The following SOWAHC variants were observed in gnomAD, a reference collection of about 807,000 sequenced individuals.
The protein encoded by SOWAHC is ankyrin repeat domain-containing protein SOWAHC.
A neutral mutation model predicts 14.4 loss-of-function variants in SOWAHC; 12 were observed. That is an observed-to-expected ratio of 0.83 (90% CI 0.53 to 1.35). SOWAHC has a LOEUF of 1.35. Among genes scored for constraint, SOWAHC ranks in the 40% most tolerant of loss-of-function variants. SOWAHC has a pLI of 0.00. For synonymous variants in SOWAHC, 398 were observed against 347.0 expected, an observed-to-expected ratio of 1.15 and a Z score of -1.63; for missense variants, 771 against 752.8, an observed-to-expected ratio of 1.02 and a Z score of -0.28.
Position 109,614,541 on chromosome 2 carries a change from G to A in SOWAHC, c.52G>A (p.Val18Met). Reference protein sequence around the residue: ...GPEAALGPEAVLRFLAERGGR... With the variant: ...GPEAALGPEAMLRFLAERGGR... ...CGAGGCGGCGCTGGGCCCCGAGGCG[G>A]TGCTGCGCTTCCTGGCGGAGCGCGG... Residue 18 changes from valine (V) to methionine (M), a missense_variant, in exon 1 of 1, where the codon GTG (valine) becomes ATG (methionine). Val to Met is a conservative substitution (Grantham distance 21). Coordinates refer to ENST00000356454, the MANE Select transcript of SOWAHC (RefSeq NM_023016.4). The A allele has an allele frequency of 7.6e-7, 1 of 1,313,676 alleles. No individual in the cohort carries two copies. Among genetic ancestry groups the A allele is most frequent in the Non-Finnish European group, 9.6e-7 (1 of 1,038,578 alleles). 81.4% of individuals were successfully genotyped at this position (1,313,676 alleles called of 1,614,324 possible). A position where few individuals can be genotyped will look rare whatever the true frequency, so the allele number is the denominator to read the frequency against.
chr2:109,615,586 C>G lies in SOWAHC; in HGVS notation c.1097C>G (p.Ala366Gly), dbSNP rs1299902817. ...VVKLLVGAYD[A>G]DVDIRDYSGK... ...AAGCTGCTGGTGGGGGCCTACGACG[C>G]CGATGTGGACATCAGGGACTACAGT... The change falls in exon 1 of 1, where the codon GCC becomes GGC. Residue 366 changes from alanine to glycine, a missense_variant. Coordinates refer to ENST00000356454, the MANE Select transcript of SOWAHC (RefSeq NM_023016.4). 1.6e-5 allele frequency: 26 copies of G among 1,613,538 alleles called. No individual in the cohort carries two copies. In the Admixed American group the frequency reaches 4.3e-4, roughly 27 times the overall value.
chr2:109,618,755 G>T lies in SOWAHC; in HGVS notation c.*2688G>T, dbSNP rs1480777666. The T allele has an allele frequency of 6.0e-6, 1 of 167,006 alleles. No individual in the cohort carries two copies. The highest frequency in any genetic ancestry group is 1.9e-4 in the East Asian group (1 of 5,200). The allele number at this position is 167,006 out of a possible 1,614,324, so 10.3% of individuals were successfully genotyped here. ...CTATGTGGTTAAAAAACCCAAGTAT[G>T]TCCATGTGTTTCTTATAAGGTACAC... On this transcript the variant is annotated 3_prime_UTR_variant, in exon 1 of 1. Transcript: ENST00000356454.
Position 109,615,481 on chromosome 2 carries a change from C to T in SOWAHC, c.992C>T (p.Pro331Leu), listed in dbSNP as rs1328324823. Residue 331 changes from proline (P) to leucine (L), a missense_variant, in exon 1 of 1, where the codon CCG (proline) becomes CTG (leucine). Coordinates refer to ENST00000356454, the MANE Select transcript of SOWAHC (RefSeq NM_023016.4). ...AACTTCGCCAACAAACACCAGCTGCCGGTGAACATCGACGCCAGGACGAGC... is the reference window on the plus strand; with the variant it reads ...AACTTCGCCAACAAACACCAGCTGCTGGTGAACATCGACGCCAGGACGAGC... ...LVNFANKHQL[P>L]VNIDARTSGG... 1.2e-6 allele frequency: 2 copies of T among 1,613,410 alleles called. No homozygotes were observed. The highest frequency in any genetic ancestry group is 1.6e-4 in the Middle Eastern group (1 of 6,084).
In SOWAHC at chr2:109,616,612, A is replaced by G. The variant is rs1700155770; in HGVS notation, c.*545A>G. 6.0e-6 allele frequency: 1 copy of G among 167,144 alleles called. No individual in the cohort carries two copies. The highest frequency in any genetic ancestry group is 6.5e-5 in the Admixed American group (1 of 15,292). 10.4% of individuals were successfully genotyped at this position (167,144 alleles called of 1,614,324 possible). On this transcript the variant is annotated 3_prime_UTR_variant, in exon 1 of 1. Transcript: ENST00000356454. ...GTTGAAATGCAAAAATACTAATTAGAGAATAATGTGAATAAAATGGGAATC... is the reference window on the plus strand; with the variant it reads ...GTTGAAATGCAAAAATACTAATTAGGGAATAATGTGAATAAAATGGGAATC...
rs1013249997 is a variant in SOWAHC, at chr2:109,618,941, T to G, written c.*2874T>G. The G allele has an allele frequency of 1.8e-5, 3 of 167,096 alleles. No individual in the cohort carries two copies. Among genetic ancestry groups the G allele is most frequent in the Admixed American group, 1.3e-4 (2 of 15,288 alleles). The allele number at this position is 167,096 out of a possible 1,614,324, so 10.4% of individuals were successfully genotyped here. A position where few individuals can be genotyped will look rare whatever the true frequency, so the allele number is the denominator to read the frequency against. On this transcript the variant is annotated 3_prime_UTR_variant, in exon 1 of 1. Coordinates refer to ENST00000356454, the MANE Select transcript of SOWAHC (RefSeq NM_023016.4). Reference sequence around the variant, plus strand: ...TTTAAATAAGTGAAATTTGGGAGATTGTAAAATCTGTAAAGTTTGTTTTGT... The same window carrying G: ...TTTAAATAAGTGAAATTTGGGAGATGGTAAAATCTGTAAAGTTTGTTTTGT...
Position 109,615,169 on chromosome 2 carries a change from C to T in SOWAHC, c.680C>T (p.Pro227Leu), listed in dbSNP as rs1481500982. 4 of 1,548,886 alleles carry T rather than the reference C, an allele frequency of 2.6e-6. No homozygotes were observed. Among genetic ancestry groups the T allele is most frequent in the Non-Finnish European group, 3.5e-6 (4 of 1,146,720 alleles). Residue 227 changes from proline (P) to leucine (L), a missense_variant, in exon 1 of 1, where the codon CCG becomes CTG. Pro to Leu is a moderately conservative substitution (Grantham distance 98, BLOSUM62 -3). Coordinates refer to ENST00000356454, the MANE Select transcript of SOWAHC (RefSeq NM_023016.4). ...AGCGTGTGTCCCGGGGGCAGCAGCC[C>T]GGGCAGCTCCTCCGGGGGAGGACGC... ...KRSVCPGGSS[P>L]GSSSGGGRGR...
In SOWAHC at chr2:109,616,777, A is replaced by G. The variant is rs1055144876; in HGVS notation, c.*710A>G. 6.0e-6 allele frequency: 1 copy of G among 167,086 alleles called. No individual in the cohort carries two copies. The highest frequency in any genetic ancestry group is 2.4e-5 in the African/African-American group (1 of 41,458). 10.4% of individuals were successfully genotyped at this position (167,086 alleles called of 1,614,324 possible). On this transcript the variant is annotated 3_prime_UTR_variant, in exon 1 of 1. Transcript: ENST00000356454. ...TCCACCTATCTCTAACACCACTATT[A>G]AGGTACACCAGTGTTAAGGTACATT...
chr2:109,615,378 C>T lies in SOWAHC; in HGVS notation c.889C>T (p.Arg297Trp), dbSNP rs778978686. The change falls in exon 1 of 1, where the codon CGG becomes TGG. Residue 297 changes from arginine to tryptophan, a missense_variant. By Grantham distance (101) the Arg-to-Trp change is moderately radical (BLOSUM62 -3). Coordinates refer to ENST00000356454, the MANE Select transcript of SOWAHC (RefSeq NM_023016.4). ...LTCEPGLLVKRDFITGFTCLH... is the reference protein window; with the variant it reads ...LTCEPGLLVKWDFITGFTCLH... ...CTGCGAGCCCGGCCTGCTGGTCAAG[C>T]GGGACTTCATTACCGGCTTCACTTG... 1.9e-6 allele frequency: 3 copies of T among 1,612,986 alleles called. No individual in the cohort carries two copies. Among genetic ancestry groups the T allele is most frequent in the Non-Finnish European group, 2.5e-6 (3 of 1,180,012 alleles).
rs1700182830 is a variant in SOWAHC, at chr2:109,618,894, A to C, written c.*2827A>C. Reference sequence around the variant, plus strand: ...TTTCACGCCTGCAATCTTGGAGTCTAGGTTGCCTTGTCTCTCCTATTTTTA... The same window carrying C: ...TTTCACGCCTGCAATCTTGGAGTCTCGGTTGCCTTGTCTCTCCTATTTTTA... On this transcript the variant is annotated 3_prime_UTR_variant, in exon 1 of 1. Coordinates refer to ENST00000356454, the MANE Select transcript of SOWAHC (RefSeq NM_023016.4). 1 of 167,066 alleles carries C rather than the reference A, an allele frequency of 6.0e-6. No individual in the cohort carries two copies. The allele number at this position is 167,066 out of a possible 1,614,324, so 10.3% of individuals were successfully genotyped here.
chr2:109,614,724 C>A lies in SOWAHC; in HGVS notation c.235C>A (p.Leu79Ile). 1.3e-6 allele frequency: 2 copies of A among 1,488,808 alleles called. No individual in the cohort carries two copies. The highest frequency in any genetic ancestry group is 2.9e-5 in the African/African-American group (2 of 68,672). 92.2% of individuals were successfully genotyped at this position (1,488,808 alleles called of 1,614,324 possible). ...DPADGAKYVH[L>I]KKRFCEGPSE... ...CGCCGACGGCGCCAAGTACGTGCAC[C>A]TCAAGAAGAGGTTCTGTGAAGGGCC... is the stretch of plus-strand genomic sequence containing the variant. The change falls in exon 1 of 1, where the codon CTC becomes ATC. Residue 79 changes from leucine to isoleucine, a missense_variant. By Grantham distance (5) the Leu-to-Ile change is conservative. Coordinates refer to ENST00000356454, the MANE Select transcript of SOWAHC (RefSeq NM_023016.4).
In SOWAHC at chr2:109,617,635, T is replaced by G. The variant is rs2106439770; in HGVS notation, c.*1568T>G. Reference sequence around the variant, plus strand: ...CCTGCGGGGTGAATGAACCCATGTGTGAACTGCACAGAGCAATTCATAGAA... The same window carrying G: ...CCTGCGGGGTGAATGAACCCATGTGGGAACTGCACAGAGCAATTCATAGAA... On this transcript the variant is annotated 3_prime_UTR_variant, in exon 1 of 1. Transcript: ENST00000356454. The G allele has an allele frequency of 6.0e-6, 1 of 167,150 alleles. No individual in the cohort carries two copies. Among genetic ancestry groups the G allele is most frequent in the Middle Eastern group, 3.4e-3 (1 of 296 alleles). 10.4% of individuals were successfully genotyped at this position (167,150 alleles called of 1,614,324 possible). A position where few individuals can be genotyped will look rare whatever the true frequency, so the allele number is the denominator to read the frequency against.
Position 109,618,662 on chromosome 2 carries a change from T to C in SOWAHC, c.*2595T>C, listed in dbSNP as rs1023183179. 1.8e-5 allele frequency: 3 copies of C among 166,964 alleles called. No homozygotes were observed. Among genetic ancestry groups the C allele is most frequent in the African/African-American group, 7.2e-5 (3 of 41,452 alleles). 10.3% of individuals were successfully genotyped at this position (166,964 alleles called of 1,614,324 possible). A position where few individuals can be genotyped will look rare whatever the true frequency, so the allele number is the denominator to read the frequency against. ...GCAAATGATTGATATAATTTGATAT[T>C]CATAGAGTTGTGCCTACCTTTAATG... On this transcript the variant is annotated 3_prime_UTR_variant, in exon 1 of 1. Coordinates refer to ENST00000356454, the MANE Select transcript of SOWAHC (RefSeq NM_023016.4).
chr2:109,615,123 A>G lies in SOWAHC; in HGVS notation c.634A>G (p.Ser212Gly). 7.7e-6 allele frequency: 12 copies of G among 1,549,734 alleles called. No individual in the cohort carries two copies. The highest frequency in any genetic ancestry group is 1.0e-5 in the Non-Finnish European group (12 of 1,146,784). The change falls in exon 1 of 1, where the codon AGC (serine) becomes GGC (glycine). Residue 212 changes from serine (S) to glycine (G), a missense_variant. By Grantham distance (56) the Ser-to-Gly change is moderately conservative (BLOSUM62 0). Transcript: ENST00000356454. ...GAACCTCCGTGACCTGGTGATGGGC[A>G]GCTCCCCGCAGCTGAAGAGGAGCGT... ...RQNLRDLVMG[S>G]SPQLKRSVCP... is the part of the protein sequence containing the mutation.
Position 109,615,872 on chromosome 2 carries a change from G to A in SOWAHC, c.1383G>A (p.Ser461=). 8 of 1,613,876 alleles carry A rather than the reference G, an allele frequency of 5.0e-6. No homozygotes were observed. Among genetic ancestry groups the A allele is most frequent in the Non-Finnish European group, 6.8e-6 (8 of 1,179,938 alleles). Residue 461 remains serine (S), a synonymous_variant, in exon 1 of 1, where the codon TCG becomes TCA. Coordinates refer to ENST00000356454, the MANE Select transcript of SOWAHC (RefSeq NM_023016.4). ...GKAKDPGRKA[S]GSSSGRIKPR... ...CCAAGGATCCAGGGCGCAAAGCCTCGGGCAGCTCTAGTGGACGTATAAAAC... is the reference window on the plus strand; with the variant it reads ...CCAAGGATCCAGGGCGCAAAGCCTCAGGCAGCTCTAGTGGACGTATAAAAC...
Position 109,614,585 on chromosome 2 carries a change from C to G in SOWAHC, c.96C>G (p.Ala32=), listed in dbSNP as rs533846532. 3 of 1,410,764 alleles carry G rather than the reference C, an allele frequency of 2.1e-6. No homozygotes were observed. In the Admixed American group the frequency reaches 8.7e-5, roughly 41 times the overall value. The allele number at this position is 1,410,764 out of a possible 1,614,324, so 87.4% of individuals were successfully genotyped here. A position where few individuals can be genotyped will look rare whatever the true frequency, so the allele number is the denominator to read the frequency against. Residue 32 remains alanine, a synonymous_variant, in exon 1 of 1, where the codon GCC becomes GCG. Transcript: ENST00000356454. ...LAERGGRALH[A]ELVQHFRGAL... is the part of the protein sequence containing the mutation. ...AGCGCGGGGGCCGGGCCCTGCACGC[C>G]GAGCTGGTGCAGCACTTCAGGGGCG...
At position 109,615,709 on chromosome 2, in the gene SOWAHC, G is replaced by A. The variant is rs181135941; in HGVS notation, c.1220G>A (p.Gly407Asp). Reference protein sequence around the residue: ...LDEGDGESAAGSGGGRWRLSK... With the variant: ...LDEGDGESAADSGGGRWRLSK... Reference sequence around the variant, plus strand: ...GAGGGTGACGGGGAAAGCGCCGCGGGTAGCGGCGGCGGGCGCTGGAGGCTT... The same window carrying A: ...GAGGGTGACGGGGAAAGCGCCGCGGATAGCGGCGGCGGGCGCTGGAGGCTT... The change falls in exon 1 of 1, where the codon GGT (glycine) becomes GAT (aspartate). Residue 407 changes from glycine (G) to aspartate (D), a missense_variant. Transcript: ENST00000356454. The A allele has an allele frequency of 3.8e-5, 62 of 1,613,570 alleles. No homozygotes were observed. Among genetic ancestry groups the A allele is most frequent in the East Asian group, 8.9e-5 (4 of 44,874 alleles).
chr2:109,614,408 C>T lies in SOWAHC; in HGVS notation c.-82C>T. The T allele has an allele frequency of 9.5e-7, 1 of 1,053,254 alleles. No homozygotes were observed. Among genetic ancestry groups the T allele is most frequent in the Middle Eastern group, 3.6e-4 (1 of 2,740 alleles). 65.2% of individuals were successfully genotyped at this position (1,053,254 alleles called of 1,614,324 possible). On this transcript the variant is annotated 5_prime_UTR_variant, in exon 1 of 1. Coordinates refer to ENST00000356454, the MANE Select transcript of SOWAHC (RefSeq NM_023016.4). ...CCGCTGAGCCCGCCAGACTCCGCCGCCGTCGGGAGCCGGCCGCTGGGAGCC... is the reference window on the plus strand; with the variant it reads ...CCGCTGAGCCCGCCAGACTCCGCCGTCGTCGGGAGCCGGCCGCTGGGAGCC...
Position 109,615,326 on chromosome 2 carries a change from G to A in SOWAHC, c.837G>A (p.Lys279=). ...HAWMLSASDG[K]WDSLEGLLTC... is the part of the protein sequence containing the mutation. ...GGATGCTCTCTGCCTCCGATGGCAA[G>A]TGGGACAGCCTGGAGGGCTTGCTCA... Residue 279 remains lysine (K), a synonymous_variant, in exon 1 of 1, where the codon AAG becomes AAA. Coordinates refer to ENST00000356454, the MANE Select transcript of SOWAHC (RefSeq NM_023016.4). 6.2e-7 allele frequency: 1 copy of A among 1,611,068 alleles called. No individual in the cohort carries two copies. Among genetic ancestry groups the A allele is most frequent in the Non-Finnish European group, 8.5e-7 (1 of 1,179,346 alleles).
chr2:109,615,481 C>A lies in SOWAHC; in HGVS notation c.992C>A (p.Pro331Gln), dbSNP rs1328324823. The stretch of plus-strand genomic sequence containing the variant: ...AACTTCGCCAACAAACACCAGCTGC[C>A]GGTGAACATCGACGCCAGGACGAGC... ...LVNFANKHQL[P>Q]VNIDARTSGG... The change falls in exon 1 of 1, where the codon CCG (proline) becomes CAG (glutamine). Residue 331 changes from proline to glutamine, a missense_variant. Pro to Gln is a moderately conservative substitution (Grantham distance 76). Coordinates refer to ENST00000356454, the MANE Select transcript of SOWAHC (RefSeq NM_023016.4). The A allele has an allele frequency of 3.7e-6, 6 of 1,613,410 alleles. No individual in the cohort carries two copies. The highest frequency in any genetic ancestry group is 1.3e-5 in the African/African-American group (1 of 74,932).
Sources: gnomAD v4.1 joint callset for allele counts on GRCh38, gnomAD v4.1.1 for gene constraint, MANE v1.5 for transcripts, NCBI Gene and HGNC (gene_info 2026-07-23, HGNC 2026-07-21) for gene names.